The following NHS variants were observed in gnomAD, a reference collection of about 807,000 sequenced individuals.
NHS encodes NHS actin remodeling regulator.
Under a neutral mutation model 72.5 loss-of-function variants are expected in NHS, and 5 were observed. The observed-to-expected ratio is 0.07, with a 90% CI of 0.04 to 0.14. The LOEUF is 0.14. NHS is among the 10% of genes least tolerant of loss of function. NHS has a pLI of 1.00. For missense variants in NHS, 1,072 were observed against 1,355.7 expected (o/e 0.79, Z 3.29); for synonymous variants, 464 against 547.7 (o/e 0.85, Z 2.13).
intron 1 of NHS, among the ~76,000 whole-genome samples, chrX:17,628,009 G>A (rs757829855): frequency 8.8e-6 from 1 of 113,072 alleles, no homozygotes; most frequent in Non-Finnish European, 1.9e-5. Context: ...TGGAATGAAA[G>A]TTTTATTTCT....
intron 1 of NHS, among the ~76,000 whole-genome samples, chrX:17,580,276 C>T (rs747189704): frequency 9.0e-6 from 1 of 110,920 alleles, no homozygotes; most frequent in South Asian, 3.9e-4. Flanking sequence ...TTGGGATGTA[C>T]AGTTCTCTTT....
chrX:17,524,512 C>T (rs1328679283), intron 1 of NHS, among the ~76,000 whole-genome samples: 1 of 112,496 alleles, frequency 8.9e-6, no homozygotes, highest in African/African-American at 3.2e-5. Flanking sequence ...TAATCAAGAA[C>T]AGTTCATAAC....
Position 17,732,396 on chromosome X carries a change from T to G in NHS, c.4888T>G (p.Ser1630Ala). 8.2e-7 allele frequency: 1 copy of G among 1,212,185 alleles called. No individual in the cohort carries two copies. Among genetic ancestry groups the G allele is most frequent in the Non-Finnish European group, 1.1e-6 (1 of 895,623 alleles). Reference protein sequence around the residue: ...RLYNTPMQAISEGETENSDGS... With the variant: ...RLYNTPMQAIAEGETENSDGS... ...GTACAATACGCCCATGCAGGCAATC[T>G]CCGAGGGAGAGACGGAAAATTCTGA... The change falls in exon 9 of 9, where the codon TCC (serine) becomes GCC (alanine). Residue 1630 changes from serine (S) to alanine (A), a missense_variant. Physicochemically the swap from Ser to Ala is moderately conservative, Grantham distance 99. Coordinates refer to ENST00000676302, the MANE Select transcript of NHS (RefSeq NM_001291867.2).
At chrX:17,506,922 G>A in intron 1 of NHS, among the ~76,000 whole-genome samples, 1 of 111,837 alleles carries the variant, frequency 8.9e-6, no homozygotes, top group Non-Finnish European at 1.9e-5. Flanking sequence ...GCATAAATCT[G>A]TGACATATCT....
chrX:17,722,454 C>T (rs181204239), intron 5 of NHS, among the ~76,000 whole-genome samples: 2 of 111,938 alleles, frequency 1.8e-5, no homozygotes, highest in Non-Finnish European at 3.8e-5. Flanking sequence ...GACTGATTTT[C>T]ATATTGGTAC....
chrX:17,640,065 A>T (rs2065873242), intron 1 of NHS, among the ~76,000 whole-genome samples: 2 of 111,520 alleles, frequency 1.8e-5, no homozygotes, highest in South Asian at 7.6e-4. Context: ...GATGGAGGAG[A>T]TGGTAAGGTT....
chrX:17,379,149 CT>C (rs1209672964), intron 1 of NHS, among the ~76,000 whole-genome samples: 1 of 109,236 alleles, frequency 9.2e-6, no homozygotes. Context: ...GCGTAATCTG[CT>C]TGCTATTTCA....
intron 1 of NHS, among the ~76,000 whole-genome samples, chrX:17,496,824 G>A (rs1454775399): frequency 1.8e-5 from 2 of 111,886 alleles, no homozygotes; most frequent in African/African-American, 6.5e-5. Flanking sequence ...CCAGGATCCC[G>A]CTTTCCATAG....
At chrX:17,425,568 A>AAAAAAAAAAAAAAAAAAAAAG (rs2064651928) in intron 1 of NHS, among the ~76,000 whole-genome samples, 1 of 77,078 alleles carries the variant, frequency 1.3e-5, no homozygotes, top group Non-Finnish European at 2.3e-5. Context: ...AAAAAAAAAA[A>AAAAAAAAAAAAAAAAAAAAAG]AAAGAAAGAA....
chrX:17,396,631 A>G (rs1488060974), intron 1 of NHS, among the ~76,000 whole-genome samples: 2 of 112,026 alleles, frequency 1.8e-5, no homozygotes, highest in Non-Finnish European at 3.8e-5. Context: ...TAATAATTCC[A>G]TTTATAAACA....
intron 1 of NHS, among the ~76,000 whole-genome samples, chrX:17,427,506 A>G (rs1265443677): frequency 8.9e-6 from 1 of 112,643 alleles, no homozygotes; most frequent in Non-Finnish European, 1.9e-5. Context: ...TTGTAGGTTT[A>G]TTGTCCACTC....
chrX:17,635,531 AG>A (rs1487822831), intron 1 of NHS: 2 of 1,166,211 alleles, frequency 1.7e-6, no homozygotes, highest in East Asian at 6.5e-5. Flanking sequence ...ATAAAAGAAA[AG>A]GCCCTTCCTT....
chrX:17,677,582 G>A (rs1347405906), intron 1 of NHS, among the ~76,000 whole-genome samples: 2 of 111,024 alleles, frequency 1.8e-5, no homozygotes, highest in Admixed American at 9.6e-5. Context: ...ATGCTAAGGA[G>A]AGCAAAATCT....
chrX:17,442,590 T>G (rs767878995), intron 1 of NHS, among the ~76,000 whole-genome samples: 1 of 112,473 alleles, frequency 8.9e-6, no homozygotes. Flanking sequence ...GGATGTTTCA[T>G]GTTCTTCCAA....
intron 1 of NHS, among the ~76,000 whole-genome samples, chrX:17,542,920 T>C (rs1485555616): frequency 1.8e-5 from 2 of 112,425 alleles, no homozygotes; most frequent in Non-Finnish European, 3.7e-5. Context: ...AAAGGAGATA[T>C]AAGTAATAAC....
At chrX:17,602,501 A>C (rs2065655695) in intron 1 of NHS, among the ~76,000 whole-genome samples, 1 of 111,614 alleles carries the variant, frequency 9.0e-6, no homozygotes, top group South Asian at 3.8e-4. Flanking sequence ...ACTCTAAGAA[A>C]GGAGTGAGTC....
In NHS at chrX:17,725,601, A is replaced by G. The variant is rs1351846890; in HGVS notation, c.1495A>G (p.Ser499Gly). The change falls in exon 7 of 9, where the codon AGC becomes GGC. Residue 499 changes from serine to glycine, a missense_variant. Physicochemically the swap from Ser to Gly is moderately conservative, Grantham distance 56. Transcript: ENST00000676302. ...TGACACCATGTTTACTCCTGCAGTGAGCAGCCGCACAAGATCTCGGAGCCT... is the reference window on the plus strand; with the variant it reads ...TGACACCATGTTTACTCCTGCAGTGGGCAGCCGCACAAGATCTCGGAGCCT... The part of the protein sequence containing the change: ...KGDTMFTPAV[S>G]SRTRSRSLPR... 1 of 1,211,758 alleles carries G rather than the reference A, an allele frequency of 8.3e-7. No individual in the cohort carries two copies. Among genetic ancestry groups the G allele is most frequent in the Non-Finnish European group, 1.1e-6 (1 of 895,534 alleles).
intron 1 of NHS, among the ~76,000 whole-genome samples, chrX:17,669,571 G>A (rs917906866): frequency 1.8e-5 from 2 of 111,883 alleles, no homozygotes; most frequent in Non-Finnish European, 3.8e-5. Flanking sequence ...TTCTTTGCAG[G>A]CTGGGAAATT....
intron 1 of NHS, among the ~76,000 whole-genome samples, chrX:17,480,950 A>C (rs1467682436): frequency 9.0e-6 from 1 of 111,686 alleles, no homozygotes; most frequent in Non-Finnish European, 1.9e-5. Context: ...TCCTTAGTAC[A>C]CGGCTTCCAT....
Sources: gnomAD v4.1 joint callset for allele counts (sites outside exome capture counted in the v4.1 genomes callset) on GRCh38, gnomAD v4.1.1 for gene constraint, MANE v1.5 for transcripts, NCBI Gene and HGNC (gene_info 2026-07-23, HGNC 2026-07-21) for gene names.